The following ADCY8 variants were observed in gnomAD, a reference collection of about 807,000 sequenced individuals.
ADCY8 encodes adenylate cyclase type 8.
ADCY8 carries 51 observed loss-of-function variants against 119.7 expected under a neutral mutation model. The observed-to-expected ratio is 0.43, with a 90% CI of 0.34 to 0.54. The LOEUF (loss-of-function observed/expected upper bound fraction) is 0.54. Ranked by LOEUF, ADCY8 falls within the 20% of genes least tolerant of loss-of-function variation. The pLI is 0.03. For synonymous variants in ADCY8, 665 were observed against 651.0 expected (o/e 1.02, Z -0.33); for missense variants, 1,383 against 1,598.8 (o/e 0.87, Z 2.30).
intron 14 of ADCY8, among the ~76,000 whole-genome samples, chr8:130,802,029 C>T (rs1815796758): frequency 6.6e-6 from 1 of 150,388 alleles, no homozygotes; most frequent in African/African-American, 2.4e-5. Context: ...TACCCATGTG[C>T]TGACGGTTTC....
chr8:130,878,908 C>A (rs1314303477), intron 8 of ADCY8, among the ~76,000 whole-genome samples: 1 of 152,082 alleles, frequency 6.6e-6, no homozygotes, highest in South Asian at 2.1e-4. Context: ...CATAAATATG[C>A]AATCAATTTT....
intron 2 of ADCY8, among the ~76,000 whole-genome samples, chr8:130,964,458 A>G (rs1049812535): frequency 1.3e-5 from 2 of 152,250 alleles, no homozygotes; most frequent in African/African-American, 2.4e-5. Flanking sequence ...ATATTAAATA[A>G]AAGACTAAGT....
At chr8:130,922,446 C>A (rs1820340625) in intron 5 of ADCY8, among the ~76,000 whole-genome samples, 1 of 152,054 alleles carries the variant, frequency 6.6e-6, no homozygotes, top group African/African-American at 2.4e-5. Flanking sequence ...ATCTGTTTAA[C>A]AAAGCACATC....
chr8:130,901,475 A>T (rs538221876), intron 7 of ADCY8, among the ~76,000 whole-genome samples: 1 of 152,312 alleles, frequency 6.6e-6, no homozygotes, highest in East Asian at 1.9e-4. Context: ...CCAGTGAAGC[A>T]TTAGCATGCT....
intron 13 of ADCY8, among the ~76,000 whole-genome samples, chr8:130,815,584 C>T (rs1454701537): frequency 1.3e-5 from 2 of 152,182 alleles, no homozygotes; most frequent in East Asian, 1.9e-4. Context: ...TAAGATCACA[C>T]ATGAGTTAGT....
intron 2 of ADCY8, among the ~76,000 whole-genome samples, chr8:130,970,192 A>G (rs1821880893): frequency 6.6e-6 from 1 of 152,158 alleles, no homozygotes; most frequent in African/African-American, 2.4e-5. Flanking sequence ...ACGGCCTGTT[A>G]GGAACTGGGC....
chr8:131,034,374 T>C (rs1824085320), intron 1 of ADCY8, among the ~76,000 whole-genome samples: 1 of 152,078 alleles, frequency 6.6e-6, no homozygotes, highest in African/African-American at 2.4e-5. Flanking sequence ...CAGAAATGTG[T>C]ATTTAAGTCA....
chr8:131,013,279 A>G (rs564780684), intron 1 of ADCY8, among the ~76,000 whole-genome samples: 115 of 152,268 alleles, frequency 7.6e-4, no homozygotes, highest in African/African-American at 2.6e-3. Context: ...AACCTGACAA[A>G]TGAAGAGGAG....
intron 14 of ADCY8, among the ~76,000 whole-genome samples, chr8:130,806,611 C>T (rs1398887829): frequency 1.3e-5 from 2 of 152,126 alleles, no homozygotes; most frequent in East Asian, 1.9e-4. Context: ...GGAGTGAGCT[C>T]GTTTGACATT....
At chr8:131,002,809 G>A (rs1235164352) in intron 1 of ADCY8, among the ~76,000 whole-genome samples, 1 of 151,266 alleles carries the variant, frequency 6.6e-6, no homozygotes, top group Non-Finnish European at 1.5e-5. Context: ...AAAGTAAGAA[G>A]GGGAAAAAAA....
intron 2 of ADCY8, among the ~76,000 whole-genome samples, chr8:130,977,043 C>T (rs75007703): frequency 0.012 from 1,831 of 152,282 alleles, 44 homozygotes; most frequent in African/African-American, 0.042. Context: ...ATCAAGAAAA[C>T]ATGACCATCC....
At chr8:130,975,033 C>T (rs1255135791) in intron 2 of ADCY8, among the ~76,000 whole-genome samples, 1 of 152,162 alleles carries the variant, frequency 6.6e-6, no homozygotes, top group Non-Finnish European at 1.5e-5. Flanking sequence ...GAAGCTGCTT[C>T]ACCAGGTTCA....
rs75269509 is a variant in ADCY8 at position 131,039,389 on chromosome 8, G to A, written c.945C>T (p.Val315=). 6,324 of 1,612,736 alleles carry A rather than the reference G, an allele frequency of 3.9e-3. 227 individuals carry two copies. In the African/African-American group the frequency reaches 0.073, roughly 19 times the overall value. The change falls in exon 1 of 18, where the codon GTC becomes GTT. Residue 315 remains valine, a synonymous_variant. Transcript: ENST00000286355. ...CAGGAGTTACCTGGTTGATGGAAATGACCGCCAGCCGGGGTATGACCACTT... is the reference window on the plus strand; with the variant it reads ...CAGGAGTTACCTGGTTGATGGAAATAACCGCCAGCCGGGGTATGACCACTT... ...ILQVVIPRLA[V]ISINQVVAQA...
At chr8:130,929,697 T>C (rs911537233) in intron 5 of ADCY8, among the ~76,000 whole-genome samples, 3 of 152,192 alleles carry the variant, frequency 2.0e-5, no homozygotes, top group African/African-American at 7.2e-5. Context: ...ATTGATTTCC[T>C]ATGTGGATAA....
At chr8:131,016,242 G>C (rs1340590728) in intron 1 of ADCY8, among the ~76,000 whole-genome samples, 1 of 152,152 alleles carries the variant, frequency 6.6e-6, no homozygotes, top group Admixed American at 6.6e-5. Context: ...TTAAATAAGA[G>C]GCTGGGCATG....
intron 1 of ADCY8, among the ~76,000 whole-genome samples, chr8:131,007,133 T>C (rs1461008527): frequency 6.6e-6 from 1 of 152,204 alleles, no homozygotes; most frequent in Non-Finnish European, 1.5e-5. Context: ...ATTAAATTCA[T>C]TGATTAAACT....
chr8:130,903,964 C>T lies in ADCY8; in HGVS notation c.1719G>A (p.Arg573=). 2 of 1,614,170 alleles carry T rather than the reference C, an allele frequency of 1.2e-6. No homozygotes were observed. The highest frequency in any genetic ancestry group is 1.7e-6 in the Non-Finnish European group (2 of 1,180,026). Residue 573 remains arginine, a synonymous_variant, in exon 7 of 18, where the codon AGG becomes AGA. Coordinates refer to ENST00000286355, the MANE Select transcript of ADCY8 (RefSeq NM_001115.3). ...TATTATGCTTCCTCAGGAATTCATT[C>T]CTCTCTTTACCATGGCCCTCTTCCA... ...YNVEEGHGKE[R]NEFLRKHNIE...
chr8:130,917,763 T>TTGTG (rs146136196), intron 5 of ADCY8, among the ~76,000 whole-genome samples: 21,616 of 147,292 alleles, frequency 0.15, 2,785 homozygotes, highest in African/African-American at 0.36. Flanking sequence ...CACAGGGAGT[T>TTGTG]TGTGTGTGTG....
At chr8:131,008,553 T>TC (rs1659734238) in intron 1 of ADCY8, among the ~76,000 whole-genome samples, 1 of 152,196 alleles carries the variant, frequency 6.6e-6, no homozygotes, top group African/African-American at 2.4e-5. Context: ...CAATTAAGCC[T>TC]CTTTTCTTTA....
Sources: allele counts gnomAD v4.1 joint callset (sites outside exome capture counted in the v4.1 genomes callset), GRCh38; gene constraint gnomAD v4.1.1; transcripts MANE v1.5; gene names NCBI Gene and HGNC (gene_info 2026-07-23, HGNC 2026-07-21).